MYOM1: variants seen among roughly 807,000 people sequenced by gnomAD.
MYOM1 encodes the protein myomesin-1.
MYOM1 carries 164 observed loss-of-function variants against 205.3 expected under a neutral mutation model. The observed-to-expected ratio is 0.80, with a 90% CI of 0.70 to 0.91. The LOEUF (loss-of-function observed/expected upper bound fraction) is 0.91, where lower values mean the gene tolerates loss of function less well. Ranked by LOEUF, MYOM1 falls within the 40% of genes least tolerant of loss-of-function variation. MYOM1 has a pLI of 0.00. For synonymous variants in MYOM1, 772 were observed against 789.4 expected (o/e 0.98, Z 0.37); for missense variants, 2,011 against 2,127.3 (o/e 0.95, Z 1.08).
At chr18:3,222,416 A>G, upstream of MYOM1, among the ~76,000 whole-genome samples, 1 of 152,210 alleles carries the variant, frequency 6.6e-6, no homozygotes, top group Non-Finnish European at 1.5e-5. Context: ...AACTTACTGT[A>G]TATTTGTTTG....
chr18:3,185,101 C>CT (rs1567955987), intron 5 of MYOM1, among the ~76,000 whole-genome samples: 1 of 152,112 alleles, frequency 6.6e-6, no homozygotes, highest in African/African-American at 2.4e-5. Flanking sequence ...AGTTTCCATT[C>CT]TTTTTGTTTT....
At chr18:3,197,363 C>T (rs1253385151) in intron 2 of MYOM1, among the ~76,000 whole-genome samples, 1 of 151,992 alleles carries the variant, frequency 6.6e-6, no homozygotes, top group Non-Finnish European at 1.5e-5. Context: ...GTCTCAAACT[C>T]CTGATCTCAG....
At chr18:3,157,896 C>T (rs1393932341) in intron 10 of MYOM1, among the ~76,000 whole-genome samples, 21 of 151,684 alleles carry the variant, frequency 1.4e-4, no homozygotes, top group Admixed American at 8.6e-4. Context: ...ACGCCTCTGC[C>T]CTTCCCTCTC....
rs551343157 is a variant in MYOM1, at chr18:3,179,522, T to C, written c.930-3388A>G. Among the ~76,000 whole-genome samples the C allele has an allele frequency of 6.6e-6, 1 of 152,142 alleles. No homozygotes were observed. Among genetic ancestry groups the C allele is most frequent in the Admixed American group, 6.5e-5 (1 of 15,268 alleles). ...AGTCTCAGTTCCCTCAGATGTGAAATGGAGAGGGTGGGACTGGCTTAAGAA... is the reference window on the plus strand; with the variant it reads ...AGTCTCAGTTCCCTCAGATGTGAAACGGAGAGGGTGGGACTGGCTTAAGAA... On this transcript the variant is annotated intron_variant, in intron 5 of 37. Transcript: ENST00000356443. This position sits in a 1 kb window ranked among gnomAD's most constrained non-coding sequence, Gnocchi z 4.4.
chr18:3,153,328 T>G (rs547710361), intron 11 of MYOM1, among the ~76,000 whole-genome samples: 2 of 152,232 alleles, frequency 1.3e-5, no homozygotes, highest in African/African-American at 4.8e-5. Context: ...CTCACTGATA[T>G]GTGGTCTCGG....
intron 22 of MYOM1, among the ~76,000 whole-genome samples, chr18:3,105,502 T>C (rs2079440832): frequency 6.6e-6 from 1 of 152,158 alleles, no homozygotes; most frequent in Non-Finnish European, 1.5e-5. Flanking sequence ...TCTAAAACAA[T>C]AATTTGTTCA....
chr18:3,078,820 A>G (rs551476816), intron 34 of MYOM1, among the ~76,000 whole-genome samples: 2 of 152,168 alleles, frequency 1.3e-5, no homozygotes, highest in South Asian at 4.2e-4. Flanking sequence ...CTTTTTGCTT[A>G]TAAGTGAGCA....
chr18:3,243,573 C>T, the MYOM1 span, among the ~76,000 whole-genome samples: 22 of 152,266 alleles, frequency 1.4e-4, 1 homozygote, highest in Middle Eastern at 6.8e-3. Flanking sequence ...GACCAGTTAC[C>T]ATGTATTTAC....
Position 3,074,836 on chromosome 18 carries a change from A to G in MYOM1, c.4708+618T>C, listed in dbSNP as rs1598645736. Among the ~76,000 whole-genome samples, 4 of 151,848 alleles carry G rather than the reference A, an allele frequency of 2.6e-5. No homozygotes were observed. The East Asian group carries it at 7.7e-4, about 29-fold the overall frequency. On this transcript the variant is annotated intron_variant, in intron 36 of 37. Coordinates refer to ENST00000356443, the MANE Select transcript of MYOM1 (RefSeq NM_003803.4). ...TTGTTTTGTTTTGTTTTTGAGACGG[A>G]GTCTTGCTCTGTTGCCCAGGCTGGA...
chr18:3,159,906 C>T (rs1284878960), intron 10 of MYOM1, among the ~76,000 whole-genome samples: 1 of 137,110 alleles, frequency 7.3e-6, no homozygotes. Flanking sequence ...TCCTTCCTTC[C>T]TTCCTTCCTT....
rs2081164818 is a variant in MYOM1 at position 3,209,384 on chromosome 18, ACAGCAC to A, written c.290+5544_290+5549del. On this transcript the variant is annotated intron_variant, in intron 2 of 37. Transcript: ENST00000356443. The surrounding 1 kb of genome is among the most constrained non-coding windows in gnomAD (Gnocchi z 4.0). Reference sequence around the variant, plus strand: ...CTGCACATCTGGCCCTGGCTGGACTACAGCACTAGCCTCCTAACAAGGGAACTTGCT... The same window carrying A: ...CTGCACATCTGGCCCTGGCTGGACTATAGCCTCCTAACAAGGGAACTTGCT... Among the ~76,000 whole-genome samples the A allele has an allele frequency of 6.6e-6, 1 of 152,222 alleles. No homozygotes were observed. The highest frequency in any genetic ancestry group is 2.4e-5 in the African/African-American group (1 of 41,462).
At position 3,079,222 on chromosome 18, in the gene MYOM1, A is replaced by G. The variant is rs988120577; in HGVS notation, c.4605T>C (p.Asp1535=). Residue 1535 remains aspartate (D), a synonymous_variant, in exon 34 of 38, where the codon GAT becomes GAC. Transcript: ENST00000356443. ...DKGKYVMELF[D]GKTGHQKTVD... ...CTGTCTTCTGATGTCCAGTTTTGCC[A>G]TCAAAGAGCTCCATGACATACTTCC... is the stretch of plus-strand genomic sequence containing the variant. The G allele has an allele frequency of 1.2e-6, 2 of 1,613,824 alleles. No homozygotes were observed. The highest frequency in any genetic ancestry group is 1.7e-6 in the Non-Finnish European group (2 of 1,179,880).
At chr18:3,188,695 CT>C in intron 4 of MYOM1, 52 bp downstream of exon 4, 1 of 1,427,262 alleles carries the variant, frequency 7.0e-7, no homozygotes. Flanking sequence ...ACACACACCC[CT>C]TATGACATGC....
At chr18:3,091,296 A>G (rs1457518739) in intron 26 of MYOM1, among the ~76,000 whole-genome samples, 3 of 152,000 alleles carry the variant, frequency 2.0e-5, no homozygotes, top group Non-Finnish European at 2.9e-5. Flanking sequence ...AGCCTGGGCA[A>G]CAAGAGCAAA....
chr18:3,070,528 T>C (rs1225418732), intron 37 of MYOM1, among the ~76,000 whole-genome samples: 1 of 152,206 alleles, frequency 6.6e-6, no homozygotes, highest in Admixed American at 6.5e-5. Flanking sequence ...GCTCAGACTG[T>C]ATCTAGTTAA....
At chr18:3,147,745 A>T (rs1274079189) in intron 13 of MYOM1, among the ~76,000 whole-genome samples, 1 of 152,224 alleles carries the variant, frequency 6.6e-6, no homozygotes, top group Non-Finnish European at 1.5e-5. Context: ...TTCGTTGGGT[A>T]AAGAACAATC....
chr18:3,216,467 C>A (rs868590989), intron 1 of MYOM1, among the ~76,000 whole-genome samples: 9 of 152,324 alleles, frequency 5.9e-5, no homozygotes, highest in Middle Eastern at 3.4e-3. Context: ...CAATTTTCAA[C>A]AGCCTCAGCA....
chr18:3,205,874 G>T lies in MYOM1; in HGVS notation c.290+9060C>A, dbSNP rs555815674. ...CATTTATTTGACAAAAAAAATTATT[G>T]AGTATCTACTGTGTGCAAAATACTG... On this transcript the variant is annotated intron_variant, in intron 2 of 37. Coordinates refer to ENST00000356443, the MANE Select transcript of MYOM1 (RefSeq NM_003803.4). 7.2e-4 allele frequency among the ~76,000 whole-genome samples: 109 copies of T among 152,128 alleles called. No homozygotes were observed. In the Middle Eastern group the frequency reaches 0.014, roughly 19 times the overall value.
At chr18:3,139,177 C>CT (rs1406808574) in intron 14 of MYOM1, among the ~76,000 whole-genome samples, 2 of 152,198 alleles carry the variant, frequency 1.3e-5, no homozygotes, top group African/African-American at 4.8e-5. Flanking sequence ...TAGGACTACT[C>CT]TAAGAATTAA....
Sources: gnomAD v4.1 joint callset for allele counts (sites outside exome capture counted in the v4.1 genomes callset) on GRCh38, gnomAD v4.1.1 for gene constraint, Gnocchi (gnomAD v3.1) non-coding constraint, MANE v1.5 for transcripts, NCBI Gene and HGNC (gene_info 2026-07-23, HGNC 2026-07-21) for gene names.